The following GPR32 variants were observed in gnomAD, a reference collection of about 807,000 sequenced individuals.
The protein encoded by GPR32 is G protein-coupled receptor 32, also known as probable G protein-coupled receptor 32.
For missense variants in GPR32, 433 were observed against 454.1 expected, an observed-to-expected ratio of 0.95 and a Z score of 0.42; for synonymous variants, 215 against 195.3, an observed-to-expected ratio of 1.10 and a Z score of -0.84.
chr19:50,770,589 A>C lies in GPR32; in HGVS notation c.-12A>C. ...AATAAGCATTCCATAAAAATTATGG[A>C]ATGGAGAAATCATGAATGGGGTCTC... On this transcript the variant is annotated 5_prime_UTR_variant, in exon 1 of 1. Coordinates refer to ENST00000270590, the MANE Select transcript of GPR32 (RefSeq NM_001506.2). 1 of 1,510,760 alleles carries C rather than the reference A, an allele frequency of 6.6e-7. No homozygotes were observed. The allele number at this position is 1,510,760 out of a possible 1,614,324, so 93.6% of individuals were successfully genotyped here. A position where few individuals can be genotyped will look rare whatever the true frequency, so the allele number is the denominator to read the frequency against.
chr19:50,771,200 G>A lies in GPR32; in HGVS notation c.600G>A (p.Glu200=), dbSNP rs375722144. The change falls in exon 1 of 1, where the codon GAG becomes GAA. Residue 200 remains glutamate, a synonymous_variant. Coordinates refer to ENST00000270590, the MANE Select transcript of GPR32 (RefSeq NM_001506.2). ...ACTTGGCGTTCAACTCTGACAATGA[G>A]ACTGCCCAGATTTGGATTGAAGGGG... is the stretch of plus-strand genomic sequence containing the variant. ...HCYLAFNSDN[E]TAQIWIEGVV... is the part of the protein sequence containing the mutation. 6.2e-6 allele frequency: 10 copies of A among 1,614,094 alleles called. No homozygotes were observed. Among genetic ancestry groups the A allele is most frequent in the Admixed American group, 1.7e-5 (1 of 59,998 alleles).
rs1307072455 is a variant in GPR32, at chr19:50,771,172, G to C, written c.572G>C (p.Cys191Ser). ...AGAAAATGGAATGGCTGTACGCACT[G>C]CTACTTGGCGTTCAACTCTGACAAT... is the stretch of plus-strand genomic sequence containing the variant. ...TTRKWNGCTH[C>S]YLAFNSDNET... The change falls in exon 1 of 1, where the codon TGC (cysteine) becomes TCC (serine). Residue 191 changes from cysteine to serine, a missense_variant. Coordinates refer to ENST00000270590, the MANE Select transcript of GPR32 (RefSeq NM_001506.2). 1 of 1,614,224 alleles carries C rather than the reference G, an allele frequency of 6.2e-7. No individual in the cohort carries two copies. Among genetic ancestry groups the C allele is most frequent in the Non-Finnish European group, 8.5e-7 (1 of 1,180,046 alleles).
chr19:50,771,124 C>T lies in GPR32; in HGVS notation c.524C>T (p.Ala175Val), dbSNP rs190167592. 1.2e-6 allele frequency: 2 copies of T among 1,614,206 alleles called. No individual in the cohort carries two copies. The highest frequency in any genetic ancestry group is 1.3e-5 in the African/African-American group (1 of 75,060). Residue 175 changes from alanine (A) to valine (V), a missense_variant, in exon 1 of 1, where the codon GCG becomes GTG. Physicochemically the swap from Ala to Val is moderately conservative, Grantham distance 64 (BLOSUM62 0). Transcript: ENST00000270590. Reference protein sequence around the residue: ...VWLLAAALCSAHLKFRTTRKW... With the variant: ...VWLLAAALCSVHLKFRTTRKW... ...CTCCTGGCCGCCGCCTTGTGCTCTG[C>T]GCACCTGAAATTCCGGACAACCAGA...
Position 50,770,933 on chromosome 19 carries a change from G to A in GPR32, c.333G>A (p.Glu111=). Residue 111 remains glutamate (E), a synonymous_variant, in exon 1 of 1, where the codon GAG becomes GAA. Coordinates refer to ENST00000270590, the MANE Select transcript of GPR32 (RefSeq NM_001506.2). ...TCTCCAGGCAGTGGCTCCTCGGAGA[G>A]TGGGCCTGCAAACTCTACATCACCT... The part of the protein sequence containing the change: ...YIVSRQWLLG[E]WACKLYITFV... 3 of 1,614,168 alleles carry A rather than the reference G, an allele frequency of 1.9e-6. No individual in the cohort carries two copies. Among genetic ancestry groups the A allele is most frequent in the Non-Finnish European group, 2.5e-6 (3 of 1,180,018 alleles).
chr19:50,770,766 G>A lies in GPR32; in HGVS notation c.166G>A (p.Val56Ile). The A allele has an allele frequency of 6.2e-7, 1 of 1,614,060 alleles. No homozygotes were observed. The highest frequency in any genetic ancestry group is 1.1e-5 in the South Asian group (1 of 91,066). ...TVVILSASIV[V>I]GVLGNGLVLW... ...GGTTATCCTGTCTGCGTCCATTGTC[G>A]TCGGAGTGCTGGGCAATGGGCTGGT... Residue 56 changes from valine (V) to isoleucine (I), a missense_variant, in exon 1 of 1, where the codon GTC (valine) becomes ATC (isoleucine). Val to Ile is a conservative substitution (Grantham distance 29). Transcript: ENST00000270590.
At position 50,770,714 on chromosome 19, in the gene GPR32, G is replaced by A; in HGVS notation, c.114G>A (p.Glu38=). The A allele has an allele frequency of 2.5e-6, 4 of 1,614,100 alleles. No homozygotes were observed. The highest frequency in any genetic ancestry group is 3.4e-6 in the Non-Finnish European group (4 of 1,180,022). Residue 38 remains glutamate, a synonymous_variant, in exon 1 of 1, where the codon GAG becomes GAA. Coordinates refer to ENST00000270590, the MANE Select transcript of GPR32 (RefSeq NM_001506.2). The stretch of plus-strand genomic sequence containing the variant: ...ACTCTTCCGGATGCCTGTCTGAGGA[G>A]GTGGGGTCCCTCCGCCCACTGACTG... ...KMNSSGCLSE[E]VGSLRPLTVV...
In GPR32 at chr19:50,770,708, T is replaced by C. The variant is rs917062643; in HGVS notation, c.108T>C (p.Ser36=). Residue 36 remains serine, a synonymous_variant, in exon 1 of 1, where the codon TCT becomes TCC. Coordinates refer to ENST00000270590, the MANE Select transcript of GPR32 (RefSeq NM_001506.2). The part of the protein sequence containing the change: ...SRKMNSSGCL[S]EEVGSLRPLT... Reference sequence around the variant, plus strand: ...AGATGAACTCTTCCGGATGCCTGTCTGAGGAGGTGGGGTCCCTCCGCCCAC... The same window carrying C: ...AGATGAACTCTTCCGGATGCCTGTCCGAGGAGGTGGGGTCCCTCCGCCCAC... 2 of 1,614,132 alleles carry C rather than the reference T, an allele frequency of 1.2e-6. No individual in the cohort carries two copies. Among genetic ancestry groups the C allele is most frequent in the Non-Finnish European group, 1.7e-6 (2 of 1,180,004 alleles).
Position 50,771,422 on chromosome 19 carries a change from G to A in GPR32, c.822G>A (p.Val274=). The change falls in exon 1 of 1, where the codon GTG becomes GTA. Residue 274 remains valine (V), a synonymous_variant. Coordinates refer to ENST00000270590, the MANE Select transcript of GPR32 (RefSeq NM_001506.2). ...TTATCTTCTGGTCCCCGTTTAACGTGGTGCTGTTGGTCCATCTGTGGCGAC... is the reference window on the plus strand; with the variant it reads ...TTATCTTCTGGTCCCCGTTTAACGTAGTGCTGTTGGTCCATCTGTGGCGAC... ...AFFIFWSPFN[V]VLLVHLWRRV... 1 of 1,614,140 alleles carries A rather than the reference G, an allele frequency of 6.2e-7. No individual in the cohort carries two copies. Among genetic ancestry groups the A allele is most frequent in the Non-Finnish European group, 8.5e-7 (1 of 1,180,024 alleles).
chr19:50,771,542 C>T lies in GPR32; in HGVS notation c.942C>T (p.Phe314=). The change falls in exon 1 of 1, where the codon TTC becomes TTT. Residue 314 remains phenylalanine (F), a synonymous_variant. Coordinates refer to ENST00000270590, the MANE Select transcript of GPR32 (RefSeq NM_001506.2). The part of the protein sequence containing the change: ...LGCVNSSLNP[F]LYVFVGRDFQ... ...GTGTCAACAGCAGCCTCAACCCCTT[C>T]CTCTACGTCTTCGTTGGCAGAGATT... is the stretch of plus-strand genomic sequence containing the variant. 1 of 1,614,156 alleles carries T rather than the reference C, an allele frequency of 6.2e-7. No individual in the cohort carries two copies. The highest frequency in any genetic ancestry group is 8.5e-7 in the Non-Finnish European group (1 of 1,179,970).
Position 50,770,931 on chromosome 19 carries a change from G to C in GPR32, c.331G>C (p.Glu111Gln). 6.2e-7 allele frequency: 1 copy of C among 1,614,202 alleles called. No homozygotes were observed. Among genetic ancestry groups the C allele is most frequent in the Non-Finnish European group, 8.5e-7 (1 of 1,180,042 alleles). Residue 111 changes from glutamate to glutamine, a missense_variant, in exon 1 of 1, where the codon GAG becomes CAG. Transcript: ENST00000270590. ...YIVSRQWLLG[E>Q]WACKLYITFV... ...TGTCTCCAGGCAGTGGCTCCTCGGA[G>C]AGTGGGCCTGCAAACTCTACATCAC... is the stretch of plus-strand genomic sequence containing the variant.
chr19:50,770,898 T>C lies in GPR32; in HGVS notation c.298T>C (p.Tyr100His). The change falls in exon 1 of 1, where the codon TAC becomes CAC. Residue 100 changes from tyrosine to histidine, a missense_variant. Tyr to His is a moderately conservative substitution (Grantham distance 83). Coordinates refer to ENST00000270590, the MANE Select transcript of GPR32 (RefSeq NM_001506.2). ...CTCACTGTCTCTGCCCATTGCCATG[T>C]ACTATATTGTCTCCAGGCAGTGGCT... Reference protein sequence around the residue: ...MLSLSLPIAMYYIVSRQWLLG... With the variant: ...MLSLSLPIAMHYIVSRQWLLG... 14 of 1,614,208 alleles carry C rather than the reference T, an allele frequency of 8.7e-6. No homozygotes were observed. Among genetic ancestry groups the C allele is most frequent in the Non-Finnish European group, 1.1e-5 (13 of 1,180,046 alleles).
chr19:50,771,678 A>T lies in GPR32; in HGVS notation c.*7A>T. On this transcript the variant is annotated 3_prime_UTR_variant, in exon 1 of 1. Transcript: ENST00000270590. ...CAACGCCCCCCGGGAATGATGGAAG[A>T]CTTCAGCTGGAAGCTGGAAGCCGTC... 5.0e-6 allele frequency: 8 copies of T among 1,587,414 alleles called. No homozygotes were observed. Among genetic ancestry groups the T allele is most frequent in the Non-Finnish European group, 6.9e-6 (8 of 1,164,816 alleles).
Position 50,771,125 on chromosome 19 carries a change from G to A in GPR32, c.525G>A (p.Ala175=), listed in dbSNP as rs768827782. 5.6e-6 allele frequency: 9 copies of A among 1,614,172 alleles called. No homozygotes were observed. Among genetic ancestry groups the A allele is most frequent in the Admixed American group, 3.3e-5 (2 of 60,018 alleles). The change falls in exon 1 of 1, where the codon GCG becomes GCA. Residue 175 remains alanine (A), a synonymous_variant. Coordinates refer to ENST00000270590, the MANE Select transcript of GPR32 (RefSeq NM_001506.2). ...VWLLAAALCS[A]HLKFRTTRKW... The stretch of plus-strand genomic sequence containing the variant: ...TCCTGGCCGCCGCCTTGTGCTCTGC[G>A]CACCTGAAATTCCGGACAACCAGAA...
rs768408134 is a variant in GPR32, at chr19:50,771,420, G to A, written c.820G>A (p.Val274Met). 1 of 1,614,166 alleles carries A rather than the reference G, an allele frequency of 6.2e-7. No individual in the cohort carries two copies. The highest frequency in any genetic ancestry group is 8.5e-7 in the Non-Finnish European group (1 of 1,180,026). ...CTTTATCTTCTGGTCCCCGTTTAAC[G>A]TGGTGCTGTTGGTCCATCTGTGGCG... is the stretch of plus-strand genomic sequence containing the variant. ...AFFIFWSPFNVVLLVHLWRRV... is the reference protein window; with the variant it reads ...AFFIFWSPFNMVLLVHLWRRV... The change falls in exon 1 of 1, where the codon GTG becomes ATG. Residue 274 changes from valine to methionine, a missense_variant. Physicochemically the swap from Val to Met is conservative, Grantham distance 21. Transcript: ENST00000270590.
Position 50,771,386 on chromosome 19 carries a change from G to C in GPR32, c.786G>C (p.Val262=), listed in dbSNP as rs2089399838. 6.2e-7 allele frequency: 1 copy of C among 1,614,038 alleles called. No individual in the cohort carries two copies. Among genetic ancestry groups the C allele is most frequent in the Admixed American group, 1.7e-5 (1 of 59,992 alleles). ...NRPKRLLLVL[V]SAFFIFWSPF... The stretch of plus-strand genomic sequence containing the variant: ...CCAAGAGGCTGCTGCTGGTGCTGGT[G>C]AGCGCTTTCTTTATCTTCTGGTCCC... The change falls in exon 1 of 1, where the codon GTG becomes GTC. Residue 262 remains valine (V), a synonymous_variant. Coordinates refer to ENST00000270590, the MANE Select transcript of GPR32 (RefSeq NM_001506.2).
In GPR32 at chr19:50,770,667, C is replaced by A; in HGVS notation, c.67C>A (p.Arg23Ser). 1 of 1,613,784 alleles carries A rather than the reference C, an allele frequency of 6.2e-7. No individual in the cohort carries two copies. The highest frequency in any genetic ancestry group is 8.5e-7 in the Non-Finnish European group (1 of 1,179,848). ...GCAACCTGGGGTCCTGACACGTGATCGCTCTTGTTCCAGGAAGATGAACTC... is the reference window on the plus strand; with the variant it reads ...GCAACCTGGGGTCCTGACACGTGATAGCTCTTGTTCCAGGAAGATGAACTC... ...DRQPGVLTRD[R>S]SCSRKMNSSG... The change falls in exon 1 of 1, where the codon CGC becomes AGC. Residue 23 changes from arginine to serine, a missense_variant. By Grantham distance (110) the Arg-to-Ser change is moderately radical. Transcript: ENST00000270590.
At position 50,771,389 on chromosome 19, in the gene GPR32, C is replaced by A. The variant is rs372938540; in HGVS notation, c.789C>A (p.Ser263Arg). ...AGAGGCTGCTGCTGGTGCTGGTGAG[C>A]GCTTTCTTTATCTTCTGGTCCCCGT... ...RPKRLLLVLV[S>R]AFFIFWSPFN... The change falls in exon 1 of 1, where the codon AGC becomes AGA. Residue 263 changes from serine to arginine, a missense_variant. Transcript: ENST00000270590. The A allele has an allele frequency of 2.5e-6, 4 of 1,614,130 alleles. No individual in the cohort carries two copies. The highest frequency in any genetic ancestry group is 3.4e-6 in the Non-Finnish European group (4 of 1,180,022).
Position 50,770,986 on chromosome 19 carries a change from A to T in GPR32, c.386A>T (p.Asn129Ile), listed in dbSNP as rs749646537. The T allele has an allele frequency of 1.9e-5, 30 of 1,613,898 alleles. No individual in the cohort carries two copies. The highest frequency in any genetic ancestry group is 3.3e-4 in the Middle Eastern group (2 of 6,084). ...TFVFLSYFAS[N>I]CLLVFISVDR... The stretch of plus-strand genomic sequence containing the variant: ...GTGTTCCTCAGCTACTTTGCCAGTA[A>T]CTGCCTCCTTGTCTTCATCTCTGTG... Residue 129 changes from asparagine (N) to isoleucine (I), a missense_variant, in exon 1 of 1, where the codon AAC becomes ATC. By Grantham distance (149) the Asn-to-Ile change is moderately radical. Transcript: ENST00000270590.
chr19:50,770,524 G>C lies in GPR32; in HGVS notation c.-77G>C. On this transcript the variant is annotated 5_prime_UTR_variant, in exon 1 of 1. Transcript: ENST00000270590. ...TGATTGTACCTTTGCACTCCAGCCTGGGTGACAGAGCATGACGCTGTCTCT... is the reference window on the plus strand; with the variant it reads ...TGATTGTACCTTTGCACTCCAGCCTCGGTGACAGAGCATGACGCTGTCTCT... The C allele has an allele frequency of 1.0e-6, 1 of 995,718 alleles. No individual in the cohort carries two copies. Among genetic ancestry groups the C allele is most frequent in the East Asian group, 2.6e-5 (1 of 38,404 alleles). The allele number at this position is 995,718 out of a possible 1,614,324, so 61.7% of individuals were successfully genotyped here. A position where few individuals can be genotyped will look rare whatever the true frequency, so the allele number is the denominator to read the frequency against.
Sources: gnomAD v4.1 joint callset for allele counts on GRCh38, gnomAD v4.1.1 for gene constraint, MANE v1.5 for transcripts, NCBI Gene and HGNC (gene_info 2026-07-23, HGNC 2026-07-21) for gene names.